IL16: variants seen among roughly 807,000 people sequenced by gnomAD.
IL16 encodes the protein interleukin 16, also known as pro-interleukin-16.
IL16 carries 67 observed loss-of-function variants against 110.1 expected under a neutral mutation model. The observed-to-expected ratio is 0.61, with a 90% CI of 0.50 to 0.75. The LOEUF is 0.75. IL16 is among the 30% of genes least tolerant of loss of function. The pLI is 0.00. For missense variants in IL16, 1,545 were observed against 1,655.0 expected, an observed-to-expected ratio of 0.93 and a Z score of 1.15; for synonymous variants, 689 against 662.9, an observed-to-expected ratio of 1.04 and a Z score of -0.61.
intron 13 of IL16, 87 bp downstream of exon 13, chr15:81,297,165 T>G: frequency 1.0e-5 from 13 of 1,278,700 alleles, no homozygotes; most frequent in Non-Finnish European, 1.4e-5. Flanking sequence ...GGCCTGAGGA[T>G]CAGAGTGCTC....
intron 3 of IL16, among the ~76,000 whole-genome samples, chr15:81,262,558 G>GT (rs1198725059): frequency 6.6e-6 from 1 of 151,710 alleles, no homozygotes; most frequent in Admixed American, 6.6e-5. Context: ...TTTATTTTGC[G>GT]TTTTTTGTTT....
chr15:81,293,684 G>A (rs1182683925), intron 12 of IL16, among the ~76,000 whole-genome samples: 1 of 152,194 alleles, frequency 6.6e-6, no homozygotes, highest in Non-Finnish European at 1.5e-5. Flanking sequence ...CTTAAGGCAA[G>A]TACCTGACAG....
At chr15:81,191,705 G>A (rs1895499944) in intron 1 of IL16, among the ~76,000 whole-genome samples, 1 of 152,200 alleles carries the variant, frequency 6.6e-6, no homozygotes, top group Non-Finnish European at 1.5e-5. Flanking sequence ...TCCCACTTAG[G>A]AGATGGAGTC....
chr15:81,273,336 G>A, intron 6 of IL16, 132 bp downstream of exon 6: 1 of 596,092 alleles, frequency 1.7e-6, no homozygotes, highest in Non-Finnish European at 2.9e-6. Context: ...CATGCATCCT[G>A]GGGTCTGCAA....
chr15:81,298,766 C>T (rs189779394), intron 13 of IL16, among the ~76,000 whole-genome samples: 3 of 152,342 alleles, frequency 2.0e-5, no homozygotes, highest in East Asian at 1.9e-4. Context: ...AGCAAACACA[C>T]GGCTTCAGGG....
intron 5 of IL16, among the ~76,000 whole-genome samples, chr15:81,271,064 G>A (rs1435215708): frequency 6.6e-6 from 1 of 152,014 alleles, no homozygotes; most frequent in Non-Finnish European, 1.5e-5. Flanking sequence ...CAAAACCCGG[G>A]CATTGTGCTA....
intron 6 of IL16, 57 bp downstream of exon 6, chr15:81,273,261 A>G (rs1446577369): frequency 1.6e-6 from 2 of 1,272,288 alleles, no homozygotes; most frequent in Admixed American, 4.0e-5. Context: ...AGAATCCAGA[A>G]TTGCTGGGGC....
intron 1 of IL16, among the ~76,000 whole-genome samples, chr15:81,200,748 G>C (rs1450656003): frequency 6.6e-6 from 1 of 152,134 alleles, no homozygotes. Flanking sequence ...AATGTGTCAG[G>C]AGAGTATTGT....
intron 6 of IL16, among the ~76,000 whole-genome samples, chr15:81,275,594 T>C (rs1898875754): frequency 6.6e-6 from 1 of 152,062 alleles, no homozygotes; most frequent in Non-Finnish European, 1.5e-5. Flanking sequence ...AATATTGTGT[T>C]TTGTTCTCTT....
intron 2 of IL16, among the ~76,000 whole-genome samples, chr15:81,236,091 G>T (rs558183707): frequency 6.6e-6 from 1 of 152,300 alleles, no homozygotes; most frequent in South Asian, 2.1e-4. Context: ...AAAGTAATTG[G>T]TCAGACAGTG....
At position 81,312,878 on chromosome 15, in the gene IL16, ACAGT is replaced by A. The variant is rs572467523; in HGVS notation, c.*4084_*4087del. On this transcript the variant is annotated 3_prime_UTR_variant, in exon 19 of 19. Transcript: ENST00000683961. ...TCAGTGGCGATGATGATTCTCTATG[ACAGT>A]CAGGGAAACGTGGTCTCTGAGAGTG... 53 of 156,586 alleles carry A rather than the reference ACAGT, an allele frequency of 3.4e-4. No homozygotes were observed. Among genetic ancestry groups the A allele is most frequent in the African/African-American group, 1.2e-3 (50 of 41,734 alleles). The allele number at this position is 156,586 out of a possible 1,614,324, so 9.7% of individuals were successfully genotyped here. A position where few individuals can be genotyped will look rare whatever the true frequency, so the allele number is the denominator to read the frequency against.
intron 12 of IL16, 89 bp from the exon 13 acceptor site, chr15:81,296,839 G>A (rs184939819): frequency 1.0e-4 from 124 of 1,237,032 alleles, no homozygotes; most frequent in Middle Eastern, 2.9e-4. Flanking sequence ...CTCAATATCC[G>A]TTTTTCCGTC....
chr15:81,279,853 C>T (rs940892152), intron 8 of IL16, 79 bp downstream of exon 8: 2 of 1,246,754 alleles, frequency 1.6e-6, no homozygotes, highest in Admixed American at 3.8e-5. Context: ...CACTTGGAAT[C>T]AGTCCAGAGG....
At position 81,287,809 on chromosome 15, in the gene IL16, T is replaced by C. The variant is rs1285051849; in HGVS notation, c.1332+1979T>C. Among the ~76,000 whole-genome samples, 6 of 152,312 alleles carry C rather than the reference T, an allele frequency of 3.9e-5. No homozygotes were observed. The East Asian group carries it at 1.2e-3, about 29-fold the overall frequency. The stretch of plus-strand genomic sequence containing the variant: ...TTCAAACCCAGCCCCATTCTGTGGA[T>C]TGCACACTGGAGCTAAACACAATCA... On this transcript the variant is annotated intron_variant, in intron 10 of 18. Coordinates refer to ENST00000683961, the MANE Select transcript of IL16 (RefSeq NM_172217.5).
rs1411093991 is a variant in IL16, at chr15:81,311,844, G to A, written c.*3046G>A. The A allele has an allele frequency of 1.3e-5, 2 of 152,206 alleles. No individual in the cohort carries two copies. Among genetic ancestry groups the A allele is most frequent in the African/African-American group, 4.8e-5 (2 of 41,450 alleles). 9.4% of individuals were successfully genotyped at this position (152,206 alleles called of 1,614,324 possible). A position where few individuals can be genotyped will look rare whatever the true frequency, so the allele number is the denominator to read the frequency against. On this transcript the variant is annotated 3_prime_UTR_variant, in exon 19 of 19. Coordinates refer to ENST00000683961, the MANE Select transcript of IL16 (RefSeq NM_172217.5). ...TAGCTAAAGGATCTTAGGCATGACT[G>A]TAGAATTTGTAGTTGCAATAGAACA...
chr15:81,303,185 GTTTTTTTT>G lies in IL16; in HGVS notation c.3319-359_3319-352del, dbSNP rs60981835. 5 of 166,106 alleles carry G rather than the reference GTTTTTTTT, an allele frequency of 3.0e-5. No homozygotes were observed. The South Asian group carries it at 6.4e-4, about 21-fold the overall frequency. 10.3% of individuals were successfully genotyped at this position (166,106 alleles called of 1,614,324 possible). ...ACTGACCCCTGTTTTGTTTTTTGTT[GTTTTTTTT>G]TTTTGTTTTGTTTTACCTGAAGTCC... On this transcript the variant is annotated intron_variant, in intron 15 of 18. Transcript: ENST00000683961. This position sits in a 1 kb window ranked among gnomAD's most constrained non-coding sequence, Gnocchi z 4.1.
intron 1 of IL16, among the ~76,000 whole-genome samples, chr15:81,209,815 G>A (rs1054587653): frequency 1.3e-5 from 2 of 152,138 alleles, no homozygotes; most frequent in Non-Finnish European, 2.9e-5. Flanking sequence ...GACTCAGTTG[G>A]CCCAGATGAA....
chr15:81,214,566 GCA>G (rs1896358899), intron 1 of IL16, among the ~76,000 whole-genome samples: 1 of 149,430 alleles, frequency 6.7e-6, no homozygotes, highest in Non-Finnish European at 1.5e-5. Flanking sequence ...TTTTTTGTTT[GCA>G]TTGACCTTGG....
intron 10 of IL16, among the ~76,000 whole-genome samples, chr15:81,286,037 T>C (rs941130779): frequency 4.6e-5 from 7 of 152,142 alleles, no homozygotes; most frequent in Non-Finnish European, 8.8e-5. Flanking sequence ...GACATTAACT[T>C]AGGGAAGCTC....
Sources: allele counts gnomAD v4.1 joint callset (sites outside exome capture counted in the v4.1 genomes callset), GRCh38; gene constraint gnomAD v4.1.1; non-coding constraint Gnocchi (gnomAD v3.1); transcripts MANE v1.5; gene names NCBI Gene and HGNC (gene_info 2026-07-23, HGNC 2026-07-21).